MYO5A: variants seen among roughly 807,000 people sequenced by gnomAD.
MYO5A encodes myosin VA.
Under a neutral mutation model 249.7 loss-of-function variants are expected in MYO5A, and 98 were observed. The observed-to-expected ratio is 0.39, with a 90% CI of 0.33 to 0.46. The LOEUF is 0.46. Ranked by LOEUF, MYO5A falls within the 20% of genes least tolerant of loss-of-function variation. MYO5A has a pLI of 0.98. For synonymous variants in MYO5A, 778 were observed against 810.6 expected, an observed-to-expected ratio of 0.96 and a Z score of 0.68; for missense variants, 1,696 against 2,308.8, an observed-to-expected ratio of 0.73 and a Z score of 5.44.
chr15:52,404,040 C>T (rs906309084), intron 9 of MYO5A, among the ~76,000 whole-genome samples: 3 of 152,008 alleles, frequency 2.0e-5, no homozygotes, highest in Non-Finnish European at 4.4e-5. Flanking sequence ...CCAAGGTGGG[C>T]GGATCATCTG....
chr15:52,511,382 C>G (rs187735702), intron 1 of MYO5A, among the ~76,000 whole-genome samples: 7 of 152,368 alleles, frequency 4.6e-5, no homozygotes, highest in African/African-American at 1.4e-4. Context: ...TTATTTCCCA[C>G]ATTACTTCTC....
chr15:52,455,698 G>A (rs1669868), intron 1 of MYO5A, among the ~76,000 whole-genome samples: 8,351 of 151,156 alleles, frequency 0.055, 302 homozygotes, highest in South Asian at 0.14. Context: ...TTAACAGAAC[G>A]AAGAACAAAA....
In MYO5A at chr15:52,324,002, C is replaced by CAAAAAAAAAAAAAAAAAAAAAAAAAAAA. The variant is rs56227811; in HGVS notation, c.4711-586_4711-559dup. On this transcript the variant is annotated intron_variant, in intron 36 of 41. Transcript: ENST00000399233. Reference sequence around the variant, plus strand: ...CTAGAGACAGAACGAGACTCTGTCTCAAAAAAAAAAAAAAAAAAAAAAAAA... The same window carrying CAAAAAAAAAAAAAAAAAAAAAAAAAAAA: ...CTAGAGACAGAACGAGACTCTGTCTCAAAAAAAAAAAAAAAAAAAAAAAAAAAAAAAAAAAAAAAAAAAAAAAAAAAAA... The CAAAAAAAAAAAAAAAAAAAAAAAAAAAA allele has an allele frequency of 7.5e-5, 3 of 40,250 alleles. 1 individual carries two copies. Among genetic ancestry groups the CAAAAAAAAAAAAAAAAAAAAAAAAAAAA allele is most frequent in the Non-Finnish European group, 2.0e-4 (3 of 14,936 alleles). 2.5% of individuals were successfully genotyped at this position (40,250 alleles called of 1,614,324 possible). A position where few individuals can be genotyped will look rare whatever the true frequency, so the allele number is the denominator to read the frequency against.
chr15:52,514,648 C>T (rs1047067442), intron 1 of MYO5A, among the ~76,000 whole-genome samples: 2 of 152,202 alleles, frequency 1.3e-5, no homozygotes, highest in East Asian at 3.8e-4. Context: ...ACTACAGCCT[C>T]ACTGCTCAAG....
intron 35 of MYO5A, 40 bp from the exon 36 acceptor site, chr15:52,328,046 A>G: frequency 6.5e-7 from 1 of 1,539,296 alleles, no homozygotes; most frequent in Non-Finnish European, 8.9e-7. Flanking sequence ...AACATGGAAA[A>G]TTTTCACGAG....
intron 6 of MYO5A, among the ~76,000 whole-genome samples, chr15:52,408,963 T>C (rs2043130749): frequency 6.6e-6 from 1 of 152,104 alleles, no homozygotes. Context: ...GACCAGGTGG[T>C]TCAGCACACA....
chr15:52,402,799 C>A (rs565067381), intron 9 of MYO5A, among the ~76,000 whole-genome samples: 2 of 152,092 alleles, frequency 1.3e-5, no homozygotes, highest in East Asian at 3.9e-4. Context: ...GAGCCAAGAT[C>A]GCATCACTGC....
chr15:52,483,042 G>A (rs2076746885), intron 1 of MYO5A, among the ~76,000 whole-genome samples: 1 of 152,206 alleles, frequency 6.6e-6, no homozygotes, highest in African/African-American at 2.4e-5. Flanking sequence ...GAAGCAAAGT[G>A]TTGGTTCCAA....
At chr15:52,384,938 C>T (rs1213790580) in intron 14 of MYO5A, among the ~76,000 whole-genome samples, 1 of 152,178 alleles carries the variant, frequency 6.6e-6, no homozygotes, top group African/African-American at 2.4e-5. Flanking sequence ...GTTTAAAACC[C>T]TACCCATATC....
rs181896195 is a variant in MYO5A, at chr15:52,473,313, G to C, written c.28-40028C>G. On this transcript the variant is annotated intron_variant, in intron 1 of 41. Transcript: ENST00000399233. ...ATATTGGCCCTTTGTCAGATGGACA[G>C]GTTGCAAAAATTTTCTCCCATTCTG... 9.7e-4 allele frequency among the ~76,000 whole-genome samples: 148 copies of C among 152,306 alleles called. 1 individual carries two copies. Among genetic ancestry groups the C allele is most frequent in the East Asian group, 9.3e-3 (48 of 5,188 alleles).
In MYO5A at chr15:52,311,558, A is replaced by T. The variant is rs1030723586; in HGVS notation, c.*2138T>A. On this transcript the variant is annotated 3_prime_UTR_variant, in exon 42 of 42. Coordinates refer to ENST00000399233, the MANE Select transcript of MYO5A (RefSeq NM_001382347.1). ...TGATGTAATAAAAATTACTTAAACT[A>T]ATTATAATACAAATATAGTAGGACC... is the stretch of plus-strand genomic sequence containing the variant. The T allele has an allele frequency of 1.3e-5, 2 of 152,254 alleles. No homozygotes were observed. Among genetic ancestry groups the T allele is most frequent in the Non-Finnish European group, 2.9e-5 (2 of 68,038 alleles). The allele number at this position is 152,254 out of a possible 1,614,324, so 9.4% of individuals were successfully genotyped here.
chr15:52,423,444 C>T (rs925999985), intron 4 of MYO5A, among the ~76,000 whole-genome samples: 4 of 151,672 alleles, frequency 2.6e-5, no homozygotes, highest in African/African-American at 4.8e-5. Context: ...CCCAGCTACT[C>T]GGGAGGCTGA....
chr15:52,413,077 G>A (rs537879395), intron 5 of MYO5A, among the ~76,000 whole-genome samples: 3 of 151,222 alleles, frequency 2.0e-5, no homozygotes, highest in Admixed American at 6.6e-5. Flanking sequence ...AATCCAGGAG[G>A]TGGAGGCTGC....
intron 36 of MYO5A, among the ~76,000 whole-genome samples, chr15:52,327,051 A>C (rs2038643410): frequency 6.6e-6 from 1 of 152,188 alleles, no homozygotes; most frequent in Non-Finnish European, 1.5e-5. Context: ...GTTGCTTCCC[A>C]CATGGAACCA....
rs925641116 is a variant in MYO5A at position 52,484,167 on chromosome 15, A to G, written c.27+44613T>C. Among the ~76,000 whole-genome samples, 16 of 152,236 alleles carry G rather than the reference A, an allele frequency of 1.1e-4. 1 individual carries two copies. The highest frequency in any genetic ancestry group is 8.5e-4 in the Admixed American group (13 of 15,290). On this transcript the variant is annotated intron_variant, in intron 1 of 41. Transcript: ENST00000399233. ...AGATCAATCACTAAATGACTATAAG[A>G]GCAGAACCAAAAGTATTCTATGATA...
intron 36 of MYO5A, among the ~76,000 whole-genome samples, chr15:52,325,757 G>A (rs965580776): frequency 6.6e-6 from 1 of 151,772 alleles, no homozygotes. Flanking sequence ...GGTATCCTCT[G>A]TCCACATGAA....
rs1239534669 is a variant in MYO5A, at chr15:52,396,320, T to C, written c.1397A>G (p.Asn466Ser). The change falls in exon 11 of 42, where the codon AAT becomes AGT. Residue 466 changes from asparagine to serine, a missense_variant. By Grantham distance (46) the Asn-to-Ser change is conservative (BLOSUM62 1). Coordinates refer to ENST00000399233, the MANE Select transcript of MYO5A (RefSeq NM_001382347.1). ...TTCAAGGAAGAACATTCTTACCATA[T>C]TGAATTGTTGCTGTAGTTTTTCATT... ...YANEKLQQQF[N>S]MHVFKLEQEE... 3.3e-6 allele frequency: 5 copies of C among 1,506,802 alleles called. No homozygotes were observed. Among genetic ancestry groups the C allele is most frequent in the Non-Finnish European group, 4.6e-6 (5 of 1,086,344 alleles). The allele number at this position is 1,506,802 out of a possible 1,614,324, so 93.3% of individuals were successfully genotyped here.
chr15:52,343,278 G>A, intron 30 of MYO5A, 81 bp from the exon 31 acceptor site: 1 of 1,116,752 alleles, frequency 9.0e-7, no homozygotes. Context: ...ACAGCAGCAT[G>A]CAGTATTTCA....
chr15:52,470,309 A>G (rs2693471), intron 1 of MYO5A, among the ~76,000 whole-genome samples: 142,759 of 152,178 alleles, frequency 0.94, 67,647 homozygotes, highest in East Asian at 1. Context: ...TTGAATTCAT[A>G]GGGTTCTAGG....
Sources: gnomAD v4.1 joint callset for allele counts (sites outside exome capture counted in the v4.1 genomes callset) on GRCh38, gnomAD v4.1.1 for gene constraint, MANE v1.5 for transcripts, NCBI Gene and HGNC (gene_info 2026-07-23, HGNC 2026-07-21) for gene names.